The following CPA6 variants were observed in gnomAD, a reference collection of about 807,000 sequenced individuals.
CPA6 encodes carboxypeptidase A6.
A neutral mutation model predicts 63.3 loss-of-function variants in CPA6; 58 were observed. The ratio of observed to expected loss-of-function variants is 0.92; its 90% CI spans 0.74 to 1.14. The LOEUF (loss-of-function observed/expected upper bound fraction) is 1.14. Ranked by LOEUF, CPA6 falls within the 50% of genes most tolerant of loss-of-function variation. CPA6 has a pLI of 0.00. For synonymous variants in CPA6, 185 were observed against 179.0 expected (o/e 1.03, Z -0.27); for missense variants, 565 against 526.6 (o/e 1.07, Z -0.71).
intron 1 of CPA6, among the ~76,000 whole-genome samples, chr8:67,731,709 G>T (rs1392115341): frequency 6.6e-6 from 1 of 152,188 alleles, no homozygotes; most frequent in Non-Finnish European, 1.5e-5. Context: ...CTGAGTAGGG[G>T]AACCAAGTAC....
intron 2 of CPA6, among the ~76,000 whole-genome samples, chr8:67,562,162 C>T (rs10086148): frequency 0.51 from 77,734 of 152,074 alleles, 20,540 homozygotes; most frequent in Non-Finnish European, 0.59. Context: ...GAACCAGAAG[C>T]TGCTAGTTCT....
chr8:67,598,357 T>C (rs1471041215), intron 2 of CPA6, among the ~76,000 whole-genome samples: 1 of 152,224 alleles, frequency 6.6e-6, no homozygotes, highest in Non-Finnish European at 1.5e-5. Flanking sequence ...TTGTCTTGAA[T>C]GGGAGTTTTG....
At chr8:67,568,094 G>T (rs1239837701) in intron 2 of CPA6, among the ~76,000 whole-genome samples, 12 of 152,118 alleles carry the variant, frequency 7.9e-5, no homozygotes, top group Admixed American at 7.9e-4. Context: ...AACTCTGTCT[G>T]CCCGGGGTCA....
intron 2 of CPA6, among the ~76,000 whole-genome samples, chr8:67,552,289 A>G (rs1812956034): frequency 6.6e-6 from 1 of 152,186 alleles, no homozygotes; most frequent in Non-Finnish European, 1.5e-5. Context: ...TGGGACACAA[A>G]ATGCTATTTG....
At chr8:67,474,644 G>T (rs1171621350) in intron 8 of CPA6, among the ~76,000 whole-genome samples, 1 of 152,096 alleles carries the variant, frequency 6.6e-6, no homozygotes, top group Non-Finnish European at 1.5e-5. Context: ...ACTGAAAGGA[G>T]AACACCTAAA....
At chr8:67,569,931 G>A (rs1000376490) in intron 2 of CPA6, 17 of 158,686 alleles carry the variant, frequency 1.1e-4, no homozygotes, top group African/African-American at 3.8e-4. Flanking sequence ...GGAAGTTGAT[G>A]AAACAGGTGA....
chr8:67,538,172 G>A (rs576679676), intron 2 of CPA6, among the ~76,000 whole-genome samples: 52 of 152,328 alleles, frequency 3.4e-4, no homozygotes, highest in African/African-American at 1.2e-3. Context: ...TCAATTCATG[G>A]TGGAGAGTTC....
chr8:67,526,501 G>A (rs1010852420), intron 2 of CPA6, among the ~76,000 whole-genome samples: 9 of 152,200 alleles, frequency 5.9e-5, no homozygotes, highest in Admixed American at 5.9e-4. Context: ...GAACATTATA[G>A]TCTTGCTGTG....
At chr8:67,444,061 G>C (rs985191919) in intron 8 of CPA6, among the ~76,000 whole-genome samples, 37 of 150,046 alleles carry the variant, frequency 2.5e-4, no homozygotes, top group East Asian at 4.0e-4. Context: ...GTGCAATCTC[G>C]GCTCACTGCA....
intron 2 of CPA6, among the ~76,000 whole-genome samples, chr8:67,591,528 T>C (rs1814124409): frequency 6.6e-6 from 1 of 152,214 alleles, no homozygotes; most frequent in Admixed American, 6.5e-5. Context: ...GCATGGAATG[T>C]TCTTCCCTTT....
chr8:67,476,676 AATC>A (rs1381116532), intron 8 of CPA6, among the ~76,000 whole-genome samples: 1 of 152,106 alleles, frequency 6.6e-6, no homozygotes. Context: ...GAGTAAAAGT[AATC>A]ATTCATGGCA....
chr8:67,605,661 C>T (rs1246280293), intron 2 of CPA6, among the ~76,000 whole-genome samples: 5 of 151,802 alleles, frequency 3.3e-5, no homozygotes, highest in African/African-American at 4.8e-5. Flanking sequence ...CTAGAAGTCC[C>T]AGAGAAAGGG....
rs1281394588 is a variant in CPA6, at chr8:67,746,009, C to T, written c.116+5G>A. On this transcript the variant is annotated splice_donor_5th_base_variant and intron_variant, in intron 1 of 10. Transcript: ENST00000297770. ...TGTGTAGGGCATGAATGTCGCTCCA[C>T]TTACCCAGCATAGCGGTTGTTATAA... 2 of 1,609,746 alleles carry T rather than the reference C, an allele frequency of 1.2e-6. No homozygotes were observed. Among genetic ancestry groups the T allele is most frequent in the Middle Eastern group, 1.6e-4 (1 of 6,066 alleles).
At position 67,506,889 on chromosome 8, in the gene CPA6, C is replaced by T. The variant is rs766751629; in HGVS notation, c.535-1G>A. 6.2e-7 allele frequency: 1 copy of T among 1,611,316 alleles called. No individual in the cohort carries two copies. On this transcript the variant is annotated splice_acceptor_variant, in intron 5 of 10. Transcript: ENST00000297770. LOFTEE classifies it high-confidence loss of function. The stretch of plus-strand genomic sequence containing the variant: ...TTTTGAGTCGTGATCGTCTGCCCAG[C>T]TGAAAACAAGAGCATTCACAGTAAC...
intron 1 of CPA6, among the ~76,000 whole-genome samples, chr8:67,678,825 A>G (rs1816533019): frequency 6.6e-6 from 1 of 152,248 alleles, no homozygotes; most frequent in African/African-American, 2.4e-5. Flanking sequence ...AATATGTGCC[A>G]TAGCTTCAAA....
intron 2 of CPA6, among the ~76,000 whole-genome samples, chr8:67,611,088 CTTTT>C (rs10561387): frequency 6.8e-6 from 1 of 146,718 alleles, no homozygotes; most frequent in Admixed American, 6.8e-5. Context: ...TTCACTCCTT[CTTTT>C]TTTTTTTTGA....
chr8:67,605,893 G>C lies in CPA6; in HGVS notation c.192+18283C>G, dbSNP rs182748545. On this transcript the variant is annotated intron_variant, in intron 2 of 10. Transcript: ENST00000297770. ...TTTGTCATAGTCATGCACAGCCAAT[G>C]GATAGGAAGGAGGGTTACAAAGCCT... Among the ~76,000 whole-genome samples, 40 of 152,164 alleles carry C rather than the reference G, an allele frequency of 2.6e-4. 1 individual carries two copies. The highest frequency in any genetic ancestry group is 2.4e-4 in the Non-Finnish European group (16 of 68,010).
intron 2 of CPA6, among the ~76,000 whole-genome samples, chr8:67,548,244 C>G (rs1212558167): frequency 7.1e-6 from 1 of 140,728 alleles, no homozygotes; most frequent in Non-Finnish European, 1.5e-5. Flanking sequence ...CCTCTCCTCT[C>G]TTTTCTTTTC....
chr8:67,435,207 G>T (rs1810122698), intron 8 of CPA6, among the ~76,000 whole-genome samples: 1 of 152,214 alleles, frequency 6.6e-6, no homozygotes, highest in Non-Finnish European at 1.5e-5. Flanking sequence ...CCTGTCACAT[G>T]AAATGGATCA....
Sources: gnomAD v4.1 joint callset for allele counts (sites outside exome capture counted in the v4.1 genomes callset) on GRCh38, gnomAD v4.1.1 for gene constraint, MANE v1.5 for transcripts, NCBI Gene and HGNC (gene_info 2026-07-23, HGNC 2026-07-21) for gene names.